SLC4A4: variants seen among roughly 807,000 people sequenced by gnomAD.
SLC4A4 encodes electrogenic sodium bicarbonate cotransporter 1.
SLC4A4 carries 27 observed loss-of-function variants against 111.5 expected under a neutral mutation model. The ratio of observed to expected loss-of-function variants is 0.24; its 90% CI spans 0.18 to 0.33. The LOEUF is 0.33. SLC4A4 is among the 10% of genes least tolerant of loss of function. The probability of loss-of-function intolerance (pLI) is 1.00; values close to 1 mark genes in which losing one functional copy is unlikely to be tolerated. For synonymous variants in SLC4A4, 443 were observed against 463.4 expected (o/e 0.96, Z 0.57); for missense variants, 909 against 1,315.5 (o/e 0.69, Z 4.78).
Position 71,515,265 on chromosome 4 carries a change from T to C in SLC4A4, c.2167-16797T>C, listed in dbSNP as rs1732276966. Among the ~76,000 whole-genome samples the C allele has an allele frequency of 2.0e-5, 3 of 152,234 alleles. No homozygotes were observed. In the South Asian group the frequency reaches 6.2e-4, roughly 32 times the overall value. On this transcript the variant is annotated intron_variant, in intron 16 of 25. Transcript: ENST00000264485. ...CATTCAGAAGCACGTTTAATTTCTATATATTTTTATAAATTTCCGAAGTTT... is the reference window on the plus strand; with the variant it reads ...CATTCAGAAGCACGTTTAATTTCTACATATTTTTATAAATTTCCGAAGTTT...
chr4:71,187,808 A>G (rs1005238399), intron 1 of SLC4A4, among the ~76,000 whole-genome samples: 6 of 151,920 alleles, frequency 3.9e-5, no homozygotes, highest in African/African-American at 1.5e-4. Flanking sequence ...CTTGAGAGGA[A>G]CACATCCCTA....
intron 12 of SLC4A4, among the ~76,000 whole-genome samples, chr4:71,463,718 A>T (rs1283038108): frequency 2.6e-5 from 4 of 152,146 alleles, no homozygotes; most frequent in African/African-American, 9.7e-5. Flanking sequence ...AGTGGAACCT[A>T]GAGTGTCATT....
chr4:71,474,488 T>C (rs1212136777), intron 14 of SLC4A4, among the ~76,000 whole-genome samples: 1 of 151,918 alleles, frequency 6.6e-6, no homozygotes, highest in Non-Finnish European at 1.5e-5. Context: ...AGATTGCTCC[T>C]AGATATTTTG....
intron 14 of SLC4A4, among the ~76,000 whole-genome samples, chr4:71,476,374 C>T (rs573961779): frequency 1.3e-5 from 2 of 151,784 alleles, no homozygotes; most frequent in African/African-American, 2.4e-5. Context: ...TTCATCACAA[C>T]GTGCACTCTT....
chr4:71,395,262 G>A (rs957002068), intron 6 of SLC4A4, among the ~76,000 whole-genome samples: 2 of 152,100 alleles, frequency 1.3e-5, no homozygotes, highest in Admixed American at 1.3e-4. Context: ...TAGGGAGGGG[G>A]ATGGAAAAAG....
chr4:71,125,550 ACTCT>A (rs1358339498), intron 2 of SLC4A4, among the ~76,000 whole-genome samples: 1 of 152,188 alleles, frequency 6.6e-6, no homozygotes, highest in Non-Finnish European at 1.5e-5. Context: ...ACAGAGCCAG[ACTCT>A]CTCTAAAAAA....
At chr4:71,478,654 T>C (rs10022637) in intron 14 of SLC4A4, among the ~76,000 whole-genome samples, 22,887 of 151,694 alleles carry the variant, frequency 0.15, 2,013 homozygotes, top group South Asian at 0.31. Flanking sequence ...AAATACCTAA[T>C]GATGGGTTGA....
At chr4:71,304,808 T>C (rs2602060) in intron 3 of SLC4A4, among the ~76,000 whole-genome samples, 4,992 of 152,296 alleles carry the variant, frequency 0.033, 293 homozygotes, top group African/African-American at 0.11. Flanking sequence ...ATAGTAAAAG[T>C]TGTCTTAGAG....
chr4:71,079,958 G>A (rs1741947637), intron 1 of SLC4A4, among the ~76,000 whole-genome samples: 1 of 152,050 alleles, frequency 6.6e-6, no homozygotes, highest in East Asian at 1.9e-4. Context: ...CCACAACAGA[G>A]AAATGCGGGC....
At chr4:71,497,799 A>ATTTTT (rs1335282610) in intron 16 of SLC4A4, 107 bp downstream of exon 16, 1 of 919,484 alleles carries the variant, frequency 1.1e-6, no homozygotes. Flanking sequence ...GTCCAATATA[A>ATTTTT]TTTTGTGCGT....
At chr4:71,235,111 G>A (rs1258172289) in intron 1 of SLC4A4, among the ~76,000 whole-genome samples, 2 of 152,226 alleles carry the variant, frequency 1.3e-5, no homozygotes, top group African/African-American at 4.8e-5. Flanking sequence ...TCAATGCAAG[G>A]TTGATATTAT....
chr4:71,192,080 GTCT>G (rs1332114574), intron 1 of SLC4A4, among the ~76,000 whole-genome samples: 3 of 152,098 alleles, frequency 2.0e-5, no homozygotes, highest in African/African-American at 7.2e-5. Flanking sequence ...TATTGAAGAC[GTCT>G]TCTTATTTAA....
chr4:71,212,054 A>G (rs1463191990), intron 1 of SLC4A4, among the ~76,000 whole-genome samples: 1 of 152,212 alleles, frequency 6.6e-6, no homozygotes, highest in Non-Finnish European at 1.5e-5. Flanking sequence ...GTGTGAAGAC[A>G]ACTAAGATGC....
At chr4:71,494,985 G>T (rs1730271877) in intron 15 of SLC4A4, among the ~76,000 whole-genome samples, 1 of 152,072 alleles carries the variant, frequency 6.6e-6, no homozygotes, top group Non-Finnish European at 1.5e-5. Flanking sequence ...TTTTATGGGA[G>T]TAGGAAACTT....
chr4:71,525,877 G>T (rs1157592790), intron 16 of SLC4A4, among the ~76,000 whole-genome samples: 5 of 151,938 alleles, frequency 3.3e-5, no homozygotes, highest in Admixed American at 6.6e-5. Context: ...GAAATGAAAG[G>T]GAAAACAAAT....
At chr4:71,284,447 C>T (rs1723752752) in intron 3 of SLC4A4, among the ~76,000 whole-genome samples, 1 of 152,158 alleles carries the variant, frequency 6.6e-6, no homozygotes, top group African/African-American at 2.4e-5. Context: ...CAGAGTTAGC[C>T]TTCCTGAGAT....
At chr4:71,150,477 A>G (rs1402080272) in intron 2 of SLC4A4, among the ~76,000 whole-genome samples, 1 of 152,160 alleles carries the variant, frequency 6.6e-6, no homozygotes, top group Non-Finnish European at 1.5e-5. Context: ...CTAAGCCAGT[A>G]AATACAGAGC....
intron 3 of SLC4A4, among the ~76,000 whole-genome samples, chr4:71,271,708 G>A (rs1268122296): frequency 6.6e-6 from 1 of 152,158 alleles, no homozygotes; most frequent in African/African-American, 2.4e-5. Flanking sequence ...TAGATAAGGA[G>A]CAATAAGAAT....
At position 71,519,667 on chromosome 4, in the gene SLC4A4, C is replaced by T. The variant is rs1029512952; in HGVS notation, c.2167-12395C>T. On this transcript the variant is annotated intron_variant, in intron 16 of 25. Coordinates refer to ENST00000264485, the MANE Select transcript of SLC4A4 (RefSeq NM_001098484.3). Reference sequence around the variant, plus strand: ...CATCATTTTTTTTGACAGAGTCTCGCTCTGTTGCCTAGGCTGGAGTGCAGT... The same window carrying T: ...CATCATTTTTTTTGACAGAGTCTCGTTCTGTTGCCTAGGCTGGAGTGCAGT... Among the ~76,000 whole-genome samples the T allele has an allele frequency of 7.9e-5, 12 of 152,074 alleles. 1 individual carries two copies. Among genetic ancestry groups the T allele is most frequent in the Admixed American group, 2.6e-4 (4 of 15,270 alleles).
Sources: allele counts gnomAD v4.1 joint callset (sites outside exome capture counted in the v4.1 genomes callset), GRCh38; gene constraint gnomAD v4.1.1; transcripts MANE v1.5; gene names NCBI Gene and HGNC (gene_info 2026-07-23, HGNC 2026-07-21).